MED26: variants seen among roughly 807,000 people sequenced by gnomAD.
The protein encoded by MED26 is mediator complex subunit 26, also known as mediator of RNA polymerase II transcription subunit 26.
Under a neutral mutation model 43.7 loss-of-function variants are expected in MED26, and 7 were observed. The observed-to-expected ratio is 0.16, with a 90% CI of 0.09 to 0.30. MED26 has a LOEUF of 0.30. MED26 is among the 10% of genes least tolerant of loss of function. The pLI is 1.00. For missense variants in MED26, 784 were observed against 840.6 expected (o/e 0.93, Z 0.83); for synonymous variants, 375 against 371.1 (o/e 1.01, Z -0.12).
intron 1 of MED26, among the ~76,000 whole-genome samples, chr19:16,592,353 A>T (rs2086101704): frequency 6.6e-6 from 1 of 152,204 alleles, no homozygotes; most frequent in African/African-American, 2.4e-5. Context: ...GTCCCGTCCC[A>T]TGCCAATCTC....
chr19:16,625,916 G>C (rs1194087258), intron 1 of MED26, among the ~76,000 whole-genome samples: 1 of 152,118 alleles, frequency 6.6e-6, no homozygotes, highest in Non-Finnish European at 1.5e-5. Flanking sequence ...ATGTTAGTAG[G>C]ACTCTGCCCA....
intron 1 of MED26, among the ~76,000 whole-genome samples, chr19:16,620,945 G>A (rs2086248832): frequency 6.6e-6 from 1 of 152,180 alleles, no homozygotes; most frequent in South Asian, 2.1e-4. Flanking sequence ...GGTTTCTGAT[G>A]ATAAAAATGA....
At chr19:16,590,030 C>T (rs1323902218) in intron 1 of MED26, among the ~76,000 whole-genome samples, 5 of 152,252 alleles carry the variant, frequency 3.3e-5, no homozygotes, top group African/African-American at 1.2e-4. Flanking sequence ...CACTGAGAAA[C>T]GTGTCTGCAC....
At chr19:16,604,557 C>T (rs986223696) in intron 1 of MED26, among the ~76,000 whole-genome samples, 8 of 152,158 alleles carry the variant, frequency 5.3e-5, no homozygotes, top group East Asian at 1.9e-4. Context: ...GGTCCCAGGA[C>T]GCTTCAAAGA....
intron 1 of MED26, among the ~76,000 whole-genome samples, chr19:16,581,596 C>A (rs926474505): frequency 6.6e-6 from 1 of 152,262 alleles, no homozygotes; most frequent in Non-Finnish European, 1.5e-5. Context: ...TGGGCAGACA[C>A]CATCCTGCTG....
At chr19:16,612,303 G>A (rs561186229) in intron 1 of MED26, 2 of 152,130 alleles carry the variant, frequency 1.3e-5, no homozygotes, top group African/African-American at 4.8e-5. Context: ...TTTTTTTCTT[G>A]AGACAGGGTC....
At chr19:16,585,105 A>G (rs2086064689) in intron 1 of MED26, among the ~76,000 whole-genome samples, 1 of 152,144 alleles carries the variant, frequency 6.6e-6, no homozygotes, top group East Asian at 1.9e-4. Context: ...GTGAGACCCC[A>G]GGAGCCCCTC....
chr19:16,626,692 T>C (rs2086277605), intron 1 of MED26, among the ~76,000 whole-genome samples: 2 of 152,120 alleles, frequency 1.3e-5, no homozygotes, highest in African/African-American at 2.4e-5. Flanking sequence ...CAAAAACCCC[T>C]ACGGTGAGAG....
intron 1 of MED26, among the ~76,000 whole-genome samples, chr19:16,585,601 G>T (rs555148218): frequency 6.6e-6 from 1 of 152,290 alleles, no homozygotes; most frequent in South Asian, 2.1e-4. Flanking sequence ...CTGAGCCACA[G>T]GACACAGCCA....
Position 16,575,524 on chromosome 19 carries a change from T to A in MED26, c.*503A>T. The A allele has an allele frequency of 6.4e-6, 1 of 156,726 alleles. No individual in the cohort carries two copies. Among genetic ancestry groups the A allele is most frequent in the East Asian group, 1.9e-4 (1 of 5,340 alleles). 9.7% of individuals were successfully genotyped at this position (156,726 alleles called of 1,614,324 possible). On this transcript the variant is annotated 3_prime_UTR_variant, in exon 3 of 3. Transcript: ENST00000263390. ...CAACACTGGCCTGACAGTGGCTGGG[T>A]AGGGAGCAAACAGAGGCAGTGGCAT...
chr19:16,585,954 A>T (rs1173346654), intron 1 of MED26, among the ~76,000 whole-genome samples: 1 of 152,230 alleles, frequency 6.6e-6, no homozygotes, highest in African/African-American at 2.4e-5. Context: ...GGCCCTGAGT[A>T]ATTACTGCTG....
chr19:16,576,763 C>T lies in MED26; in HGVS notation c.1067G>A (p.Cys356Tyr), dbSNP rs376873297. ...ESHQRLAGPG[C>Y]KAGLSPAEPL... ...CTCGGCTGGGGACAGCCCTGCCTTGCAGCCCGGCCCCGCCAGCCGCTGGTG... is the reference window on the plus strand; with the variant it reads ...CTCGGCTGGGGACAGCCCTGCCTTGTAGCCCGGCCCCGCCAGCCGCTGGTG... The change falls in exon 3 of 3, where the codon TGC (cysteine) becomes TAC (tyrosine). Residue 356 changes from cysteine (C) to tyrosine (Y), a missense_variant. By Grantham distance (194) the Cys-to-Tyr change is radical. This residue lies in a region of MED26 where 719 missense variants were observed against 730.9 expected (regional missense o/e 0.98). Coordinates refer to ENST00000263390, the MANE Select transcript of MED26 (RefSeq NM_004831.5). This position sits in a 1 kb window ranked among gnomAD's most constrained non-coding sequence, Gnocchi z 6.8. The T allele has an allele frequency of 2.4e-5, 39 of 1,606,102 alleles. No homozygotes were observed. Among genetic ancestry groups the T allele is most frequent in the Non-Finnish European group, 3.0e-5 (35 of 1,178,746 alleles).
intron 1 of MED26, among the ~76,000 whole-genome samples, chr19:16,591,339 G>A (rs1319666641): frequency 2.0e-5 from 3 of 151,668 alleles, no homozygotes; most frequent in African/African-American, 4.9e-5. Flanking sequence ...AGATACACTT[G>A]AGAATGCACA....
intron 1 of MED26, among the ~76,000 whole-genome samples, chr19:16,585,172 A>AG (rs1184082788): frequency 2.0e-5 from 3 of 152,206 alleles, no homozygotes; most frequent in African/African-American, 4.8e-5. Flanking sequence ...GTGCAGAAAC[A>AG]GCAGGCACCC....
intron 1 of MED26, among the ~76,000 whole-genome samples, chr19:16,623,752 A>G (rs1264718140): frequency 6.6e-6 from 1 of 152,194 alleles, no homozygotes; most frequent in African/African-American, 2.4e-5. Flanking sequence ...TTCCGGAGCC[A>G]TCTCTCCAAC....
rs2086071905 is a variant in MED26 at position 16,586,624 on chromosome 19, A to G, written c.73-8215T>C. Among the ~76,000 whole-genome samples, 1 of 152,254 alleles carries G rather than the reference A, an allele frequency of 6.6e-6. No individual in the cohort carries two copies. Among genetic ancestry groups the G allele is most frequent in the Non-Finnish European group, 1.5e-5 (1 of 68,038 alleles). On this transcript the variant is annotated intron_variant, in intron 1 of 2. Transcript: ENST00000263390. The surrounding 1 kb of genome is among the most constrained non-coding windows in gnomAD (Gnocchi z 5.1). ...CCAGGCATGCACGGGCCACCACAGC[A>G]GGGCTTCAGATGGCACTGGAGCCCA...
Position 16,577,543 on chromosome 19 carries a change from C to T in MED26, c.287G>A (p.Gly96Glu). The T allele has an allele frequency of 6.2e-7, 1 of 1,607,224 alleles. No homozygotes were observed. Among genetic ancestry groups the T allele is most frequent in the South Asian group, 1.1e-5 (1 of 90,916 alleles). ...GGCAGAGCCGGTGGCCCCCGCCAGCCCCCGCAGCGCCGCCTCATGCTGGTG... is the reference window on the plus strand; with the variant it reads ...GGCAGAGCCGGTGGCCCCCGCCAGCTCCCGCAGCGCCGCCTCATGCTGGTG... The part of the protein sequence containing the change: ...PAHQHEAALR[G>E]LAGATGSANG... The change falls in exon 3 of 3, where the codon GGG becomes GAG. Residue 96 changes from glycine to glutamate, a missense_variant. Gly to Glu is a moderately conservative substitution (Grantham distance 98). Around this residue, in one of 3 missense-constraint regions of MED26, gnomAD observed 719 missense variants for 730.9 expected, o/e 0.98. Transcript: ENST00000263390. The surrounding 1 kb of genome is among the most constrained non-coding windows in gnomAD (Gnocchi z 8.1).
Position 16,616,971 on chromosome 19 carries a change from C to T in MED26, c.72+10901G>A, listed in dbSNP as rs1358545104. Among the ~76,000 whole-genome samples, 5 of 152,124 alleles carry T rather than the reference C, an allele frequency of 3.3e-5. No homozygotes were observed. In the East Asian group the frequency reaches 9.6e-4, roughly 29 times the overall value. ...TGGCGTGACAAACACAACAGGCATC[C>T]TTGTGCCCAAGGACAGCTCATCTTC... On this transcript the variant is annotated intron_variant, in intron 1 of 2. Coordinates refer to ENST00000263390, the MANE Select transcript of MED26 (RefSeq NM_004831.5).
chr19:16,603,657 T>C lies in MED26; in HGVS notation c.72+24215A>G, dbSNP rs187030140. 3.5e-3 allele frequency among the ~76,000 whole-genome samples: 536 copies of C among 152,208 alleles called. 4 individuals are homozygous for C. The highest frequency in any genetic ancestry group is 0.012 in the African/African-American group (518 of 41,536). On this transcript the variant is annotated intron_variant, in intron 1 of 2. Coordinates refer to ENST00000263390, the MANE Select transcript of MED26 (RefSeq NM_004831.5). Reference sequence around the variant, plus strand: ...GGCCCCAACACTGCCTATCTCGGTATGTGGGGGCCAGATGTAAACAGGTAC... The same window carrying C: ...GGCCCCAACACTGCCTATCTCGGTACGTGGGGGCCAGATGTAAACAGGTAC...
Sources: gnomAD v4.1 joint callset for allele counts (sites outside exome capture counted in the v4.1 genomes callset) on GRCh38, gnomAD v4.1.1 for gene constraint, gnomAD v4.1.1 regional missense constraint, Gnocchi (gnomAD v3.1) non-coding constraint, MANE v1.5 for transcripts, NCBI Gene and HGNC (gene_info 2026-07-23, HGNC 2026-07-21) for gene names.